TG: variants seen among roughly 807,000 people sequenced by gnomAD.
TG encodes the protein thyroid hormones.
Under a neutral mutation model 324.7 loss-of-function variants are expected in TG, and 270 were observed. The observed-to-expected ratio is 0.83, with a 90% confidence interval of 0.75 to 0.92. The LOEUF (loss-of-function observed/expected upper bound fraction) is 0.92. Among genes scored for constraint, TG ranks in the 40% least tolerant of loss-of-function variants. The pLI, the probability that TG is intolerant of heterozygous loss-of-function variation, is 0.00. For synonymous variants in TG, 1,401 were observed against 1,327.0 expected (o/e 1.06, Z -1.21); for missense variants, 3,591 against 3,456.4 (o/e 1.04, Z -0.98).
At chr8:132,886,386 G>A in intron 8 of TG, 62 bp from the exon 9 acceptor site, 3 of 1,605,620 alleles carry the variant, frequency 1.9e-6, no homozygotes, top group South Asian at 1.1e-5. Flanking sequence ...GATCTGAGGA[G>A]CTGTCTCAGG....
At chr8:132,914,190 C>G (rs1183709296) in intron 20 of TG, among the ~76,000 whole-genome samples, 2 of 152,190 alleles carry the variant, frequency 1.3e-5, no homozygotes, top group African/African-American at 4.8e-5. Flanking sequence ...GCCATGTAAC[C>G]TAACATATTC....
intron 43 of TG, among the ~76,000 whole-genome samples, chr8:133,105,760 G>A (rs1344022589): frequency 1.3e-5 from 2 of 152,186 alleles, no homozygotes; most frequent in East Asian, 3.9e-4. Context: ...CAGGGTGGCA[G>A]CTGGGAGCCT....
chr8:132,901,213 G>C, intron 15 of TG, 140 bp from the exon 16 acceptor site: 2 of 898,476 alleles, frequency 2.2e-6, no homozygotes, highest in Admixed American at 1.9e-5. Context: ...ACCTCCTGGT[G>C]GGGAGGCAGC....
In TG at chr8:133,029,966, C is replaced by G. The variant is rs1331106666; in HGVS notation, c.7182C>G (p.Ile2394Met). The change falls in exon 41 of 48, where the codon ATC (isoleucine) becomes ATG (methionine). Residue 2394 changes from isoleucine to methionine, a missense_variant. Ile to Met is a conservative substitution (Grantham distance 10). Transcript: ENST00000220616. Reference sequence around the variant, plus strand: ...GTGGCGGGGCTGATGTGGCCAGCATCCACCTTCTCACGGCCAGGGCCACCA... The same window carrying G: ...GTGGCGGGGCTGATGTGGCCAGCATGCACCTTCTCACGGCCAGGGCCACCA... ...ADRGGADVAS[I>M]HLLTARATNS... The G allele has an allele frequency of 4.3e-6, 7 of 1,614,220 alleles. No homozygotes were observed. The East Asian group carries it at 1.6e-4, about 36-fold the overall frequency.
chr8:133,027,227 G>A (rs1230934738), intron 40 of TG, among the ~76,000 whole-genome samples: 1 of 152,242 alleles, frequency 6.6e-6, no homozygotes, highest in African/African-American at 2.4e-5. Context: ...AACAATGAGG[G>A]AGCAGGTGAA....
intron 41 of TG, among the ~76,000 whole-genome samples, chr8:133,075,500 A>G (rs554128352): frequency 1.3e-5 from 2 of 152,370 alleles, no homozygotes; most frequent in African/African-American, 2.4e-5. Context: ...GTTTGAATAT[A>G]TACTGCACAG....
intron 35 of TG, among the ~76,000 whole-genome samples, chr8:133,010,983 C>G (rs551412135): frequency 6.6e-6 from 1 of 152,316 alleles, no homozygotes; most frequent in African/African-American, 2.4e-5. Context: ...ATTTTAACCT[C>G]TTGTGTCTTA....
At position 132,906,692 on chromosome 8, in the gene TG, G is replaced by A. The variant is rs372801449; in HGVS notation, c.3639G>A (p.Pro1213=). The change falls in exon 17 of 48, where the codon CCG becomes CCA. Residue 1213 remains proline, a synonymous_variant. Transcript: ENST00000220616. ...GCTCCACTTTCCTTCTCCCAGGCCCGCGGTGTCCGCTGCCATTCAACGCGT... is the reference window on the plus strand; with the variant it reads ...GCTCCACTTTCCTTCTCCCAGGCCCACGGTGTCCGCTGCCATTCAACGCGT... ...VTGGQPACES[P]RCPLPFNASE... The A allele has an allele frequency of 8.6e-5, 139 of 1,613,888 alleles. No individual in the cohort carries two copies. The highest frequency in any genetic ancestry group is 1.1e-4 in the South Asian group (10 of 91,078).
intron 43 of TG, among the ~76,000 whole-genome samples, chr8:133,109,415 A>T (rs893305310): frequency 3.9e-5 from 6 of 152,208 alleles, no homozygotes; most frequent in Non-Finnish European, 7.3e-5. Flanking sequence ...GGCAGGAGGA[A>T]CAGCAGGCGC....
chr8:132,949,050 T>C, intron 27 of TG, 107 bp downstream of exon 27: 3 of 957,830 alleles, frequency 3.1e-6, no homozygotes, highest in African/African-American at 2.0e-5. Context: ...GAGCTTATAC[T>C]TCTGAAAAAA....
intron 41 of TG, chr8:133,045,090 G>T (rs1199626132): frequency 6.2e-7 from 1 of 1,614,076 alleles, no homozygotes; most frequent in Non-Finnish European, 8.5e-7. Context: ...TTACCTGCCT[G>T]TGTCTCACCG....
intron 24 of TG, among the ~76,000 whole-genome samples, chr8:132,934,064 G>A (rs1823195850): frequency 6.6e-6 from 1 of 152,166 alleles, no homozygotes; most frequent in African/African-American, 2.4e-5. Flanking sequence ...AGGGCACGGT[G>A]GCTCGCATCT....
At chr8:133,033,607 C>T (rs1469287879) in intron 41 of TG, among the ~76,000 whole-genome samples, 2 of 152,216 alleles carry the variant, frequency 1.3e-5, no homozygotes, top group African/African-American at 4.8e-5. Context: ...ATGAATCCTA[C>T]ACTCCAGGCT....
chr8:132,909,432 G>A (rs1819188466), intron 18 of TG, among the ~76,000 whole-genome samples: 1 of 152,178 alleles, frequency 6.6e-6, no homozygotes, highest in Non-Finnish European at 1.5e-5. Context: ...AAATGTTCTG[G>A]AATCCAGGGG....
chr8:132,950,567 G>A (rs1399364325), intron 27 of TG, among the ~76,000 whole-genome samples: 1 of 152,202 alleles, frequency 6.6e-6, no homozygotes, highest in African/African-American at 2.4e-5. Context: ...CTCGACTACA[G>A]AGCTTCATGG....
rs6471108 is a variant in TG, at chr8:133,012,327, G to A, written c.6397+292G>A. ...TCTGAGGCAGGAAAGATGCACATGC[G>A]TGGCAGCTCTGGCAGCTGACCTCAG... On this transcript the variant is annotated intron_variant, in intron 36 of 47. Coordinates refer to ENST00000220616, the MANE Select transcript of TG (RefSeq NM_003235.5). Among the ~76,000 whole-genome samples the A allele has an allele frequency of 0.52, 79,106 of 151,972 alleles. 21,958 individuals carry two copies. Among genetic ancestry groups the A allele is most frequent in the African/African-American group, 0.7 (29,196 of 41,464 alleles).
chr8:133,017,868 T>C lies in TG; in HGVS notation c.6653T>C (p.Val2218Ala). ...CTGGGCAGGTCCCAGGCCATCCAGG[T>C]GGGTACCTCATGGAAGCAAGTGGAC... ...RLLGRSQAIQ[V>A]GTSWKQVDQF... The change falls in exon 38 of 48, where the codon GTG becomes GCG. Residue 2218 changes from valine (V) to alanine (A), a missense_variant. By Grantham distance (64) the Val-to-Ala change is moderately conservative (BLOSUM62 0). Transcript: ENST00000220616. The C allele has an allele frequency of 6.2e-7, 1 of 1,614,150 alleles. No individual in the cohort carries two copies. The highest frequency in any genetic ancestry group is 8.5e-7 in the Non-Finnish European group (1 of 1,180,022).
In TG at chr8:133,072,267, G is replaced by T. The variant is rs539105942; in HGVS notation, c.7240-22777G>T. ...ACCCCTAAAATTGCTGTCTTAGCTAGAATTACCATAATCAAATTGCCTCCT... is the reference window on the plus strand; with the variant it reads ...ACCCCTAAAATTGCTGTCTTAGCTATAATTACCATAATCAAATTGCCTCCT... On this transcript the variant is annotated intron_variant, in intron 41 of 47. Coordinates refer to ENST00000220616, the MANE Select transcript of TG (RefSeq NM_003235.5). Among the ~76,000 whole-genome samples, 506 of 152,330 alleles carry T rather than the reference G, an allele frequency of 3.3e-3. 3 individuals carry two copies. The highest frequency in any genetic ancestry group is 0.012 in the African/African-American group (482 of 41,576).
intron 45 of TG, among the ~76,000 whole-genome samples, chr8:133,120,242 C>T (rs557948327): frequency 6.6e-6 from 1 of 152,288 alleles, no homozygotes; most frequent in African/African-American, 2.4e-5. Context: ...ATGCACATAC[C>T]GTTGGACCCC....
Sources: gnomAD v4.1 joint callset for allele counts (sites outside exome capture counted in the v4.1 genomes callset) on GRCh38, gnomAD v4.1.1 for gene constraint, MANE v1.5 for transcripts, NCBI Gene and HGNC (gene_info 2026-07-23, HGNC 2026-07-21) for gene names.